Variants in TRAK2 observed in about 807,000 individuals in gnomAD.
The protein encoded by TRAK2 is trafficking kinesin-binding protein 2.
In TRAK2, 81 loss-of-function variants were observed where a neutral mutation model predicts 104.6. The observed-to-expected ratio is 0.77, with a 90% CI of 0.65 to 0.93. The LOEUF (loss-of-function observed/expected upper bound fraction) is 0.93. TRAK2 is among the 40% of genes least tolerant of loss of function. The pLI is 0.00. For synonymous variants in TRAK2, 406 were observed against 394.4 expected (o/e 1.03, Z -0.35); for missense variants, 1,002 against 1,089.0 (o/e 0.92, Z 1.12).
At chr2:201,397,839 G>C (rs1951515820) in intron 6 of TRAK2, 1 of 553,938 alleles carries the variant, frequency 1.8e-6, no homozygotes, top group Non-Finnish European at 3.2e-6. Context: ...TATCACAGTT[G>C]TAACTACTTA....
At chr2:201,443,232 C>T (rs1951939151) in intron 1 of TRAK2, among the ~76,000 whole-genome samples, 1 of 152,170 alleles carries the variant, frequency 6.6e-6, no homozygotes, top group Non-Finnish European at 1.5e-5. Context: ...CTGATTTCAT[C>T]CTAAACCACC....
chr2:201,392,100 T>A (rs899502052), intron 10 of TRAK2, among the ~76,000 whole-genome samples: 1 of 152,154 alleles, frequency 6.6e-6, no homozygotes, highest in African/African-American at 2.4e-5. Context: ...TAATAAGGTA[T>A]ATCAGCAACT....
At chr2:201,401,212 A>G in intron 3 of TRAK2, 118 bp from the exon 4 acceptor site, 1 of 572,678 alleles carries the variant, frequency 1.7e-6, no homozygotes. Flanking sequence ...AAAGTCATTC[A>G]GGAGAATAAA....
At chr2:201,425,533 C>T (rs1316758672) in intron 1 of TRAK2, among the ~76,000 whole-genome samples, 3 of 152,076 alleles carry the variant, frequency 2.0e-5, no homozygotes, top group Admixed American at 6.5e-5. Context: ...TCCCAAGTAG[C>T]TCGTATTACA....
intron 1 of TRAK2, among the ~76,000 whole-genome samples, chr2:201,427,307 A>C (rs986801154): frequency 5.9e-5 from 9 of 151,320 alleles, no homozygotes; most frequent in East Asian, 3.9e-4. Context: ...ATTTCTTCTA[A>C]TGCTATCCCT....
chr2:201,389,571 T>C (rs997715178), intron 11 of TRAK2, 68 bp from the exon 12 acceptor site: 18 of 1,447,626 alleles, frequency 1.2e-5, no homozygotes, highest in Non-Finnish European at 1.6e-5. Flanking sequence ...AGAGAATGTA[T>C]GTGCAGTCCA....
chr2:201,400,875 G>A (rs890886439), intron 4 of TRAK2, 143 bp downstream of exon 4: 14 of 506,522 alleles, frequency 2.8e-5, no homozygotes, highest in African/African-American at 2.4e-4. Context: ...ACTTTGAAAT[G>A]TCAGTTGTTC....
intron 12 of TRAK2, 154 bp from the exon 13 acceptor site, chr2:201,388,155 A>C: frequency 1.3e-6 from 1 of 755,258 alleles, no homozygotes; most frequent in Non-Finnish European, 2.3e-6. Flanking sequence ...CAACAAACCA[A>C]AATCACCAAC....
At chr2:201,382,041 G>A (rs1006685322) in intron 15 of TRAK2, among the ~76,000 whole-genome samples, 9 of 152,162 alleles carry the variant, frequency 5.9e-5, no homozygotes, top group South Asian at 4.1e-4. Context: ...GGCTAACTCC[G>A]GGTATATAGC....
chr2:201,419,196 A>C (rs1951718949), intron 2 of TRAK2: 1 of 152,378 alleles, frequency 6.6e-6, no homozygotes. Context: ...CTAAAATCAA[A>C]ATCACTGACA....
chr2:201,381,319 T>C (rs1040229533), intron 15 of TRAK2, 101 bp from the exon 16 acceptor site: 9 of 1,110,890 alleles, frequency 8.1e-6, no homozygotes, highest in South Asian at 1.7e-5. Flanking sequence ...TTGGTAAATA[T>C]AAAGTAACAG....
rs1951327766 is a variant in TRAK2 at position 201,380,399 on chromosome 2, A to G, written c.*144T>C. On this transcript the variant is annotated 3_prime_UTR_variant, in exon 16 of 16. Transcript: ENST00000332624. ...CTCCATTAGGGCTCATCCCAATTTT[A>G]TTTCCATTCCTCCATTCCCCCTTTC... 7 of 873,096 alleles carry G rather than the reference A, an allele frequency of 8.0e-6. No homozygotes were observed. Among genetic ancestry groups the G allele is most frequent in the Middle Eastern group, 3.5e-4 (1 of 2,822 alleles). The allele number at this position is 873,096 out of a possible 1,614,324, so 54.1% of individuals were successfully genotyped here.
At chr2:201,410,660 A>G in intron 2 of TRAK2, 2 of 1,307,306 alleles carry the variant, frequency 1.5e-6, no homozygotes, top group Non-Finnish European at 2.2e-6. Flanking sequence ...CCAAAGGCAG[A>G]TTGTCCTATC....
chr2:201,429,563 T>C (rs188275418), intron 1 of TRAK2, among the ~76,000 whole-genome samples: 3 of 152,312 alleles, frequency 2.0e-5, no homozygotes, highest in African/African-American at 7.2e-5. Flanking sequence ...GTTCATTTCT[T>C]TTTACTCTTT....
At chr2:201,441,974 G>A (rs192764822) in intron 1 of TRAK2, among the ~76,000 whole-genome samples, 2 of 151,580 alleles carry the variant, frequency 1.3e-5, no homozygotes, top group Admixed American at 1.3e-4. Flanking sequence ...TTACAGGTGT[G>A]AGCCACTGTG....
In TRAK2 at chr2:201,387,817, T is replaced by C. The variant is rs1350988560; in HGVS notation, c.1582A>G (p.Thr528Ala). ...GTGCAGAGAGAGGCAAGGCTCTCTG[T>C]CGGGGTGACACAGCCACTAACTCCT... ...KEGVSGCVTP[T>A]ESLASLCTTQ... The change falls in exon 13 of 16, where the codon ACA becomes GCA. Residue 528 changes from threonine (T) to alanine (A), a missense_variant. Transcript: ENST00000332624. 4 of 1,614,172 alleles carry C rather than the reference T, an allele frequency of 2.5e-6. No homozygotes were observed. The highest frequency in any genetic ancestry group is 1.7e-5 in the Admixed American group (1 of 60,022).
rs1559434973 is a variant in TRAK2 at position 201,380,644 on chromosome 2, C to G, written c.2644G>C (p.Gly882Arg). The G allele has an allele frequency of 6.2e-7, 1 of 1,614,060 alleles. No individual in the cohort carries two copies. The highest frequency in any genetic ancestry group is 2.2e-5 in the East Asian group (1 of 44,886). ...VYLNSGSSLL[G>R]GLRRNQSLPV... ...AGACTCTGATTCCTCCTTAGTCCAC[C>G]TAATAAACTGCTACCTGAATTTAAA... Residue 882 changes from glycine (G) to arginine (R), a missense_variant, in exon 16 of 16, where the codon GGT becomes CGT. Coordinates refer to ENST00000332624, the MANE Select transcript of TRAK2 (RefSeq NM_015049.3).
At position 201,378,679 on chromosome 2, in the gene TRAK2, A is replaced by T. The variant is rs538949844; in HGVS notation, c.*1864T>A. 1 of 152,336 alleles carries T rather than the reference A, an allele frequency of 6.6e-6. No individual in the cohort carries two copies. The highest frequency in any genetic ancestry group is 6.5e-5 in the Admixed American group (1 of 15,306). 9.4% of individuals were successfully genotyped at this position (152,336 alleles called of 1,614,324 possible). On this transcript the variant is annotated 3_prime_UTR_variant, in exon 16 of 16. Transcript: ENST00000332624. ...TTATATTCACATATAAACCTGCTGG[A>T]ATCCTTTCTGAAACTCTACACTCTA...
At position 201,422,110 on chromosome 2, in the gene TRAK2, T is replaced by C. The variant is rs142652431; in HGVS notation, c.-199-1404A>G. ...AAGCTTTCAGAAGGCTATTTGGCAA[T>C]GTCTACCAAACTTTTAAATGCACAC... On this transcript the variant is annotated intron_variant, in intron 1 of 15. Transcript: ENST00000332624. 1.1e-4 allele frequency among the ~76,000 whole-genome samples: 17 copies of C among 149,020 alleles called. No homozygotes were observed. The East Asian group carries it at 3.3e-3, about 29-fold the overall frequency.
Sources: allele counts gnomAD v4.1 joint callset (sites outside exome capture counted in the v4.1 genomes callset), GRCh38; gene constraint gnomAD v4.1.1; transcripts MANE v1.5; gene names NCBI Gene and HGNC (gene_info 2026-07-23, HGNC 2026-07-21).